The following AASS variants were observed in gnomAD, a reference collection of about 807,000 sequenced individuals.
The protein encoded by AASS is alpha-aminoadipic semialdehyde synthase, mitochondrial.
AASS carries 86 observed loss-of-function variants against 105.4 expected under a neutral mutation model. That is an observed-to-expected ratio of 0.82 (90% CI 0.69 to 0.98). The LOEUF (loss-of-function observed/expected upper bound fraction) is 0.98, where lower values mean the gene tolerates loss of function less well. AASS is among the 50% of genes least tolerant of loss of function. The pLI, the probability that AASS is intolerant of heterozygous loss-of-function variation, is 0.00. For missense variants in AASS, 1,048 were observed against 1,143.2 expected (o/e 0.92, Z 1.20); for synonymous variants, 381 against 394.8 (o/e 0.96, Z 0.41).
chr7:122,091,745 C>T lies in AASS; in HGVS notation c.1974G>A (p.Leu658=), dbSNP rs1352644333. 6.2e-7 allele frequency: 1 copy of T among 1,612,112 alleles called. No individual in the cohort carries two copies. Among genetic ancestry groups the T allele is most frequent in the Admixed American group, 1.7e-5 (1 of 59,874 alleles). Residue 658 remains leucine, a synonymous_variant, in exon 18 of 24, where the codon TTG becomes TTA. Coordinates refer to ENST00000417368, the MANE Select transcript of AASS (RefSeq NM_005763.4). ...YKFSWSPVGV[L]MNVMQSATYL... Reference sequence around the variant, plus strand: ...AGGTGGCAGACTGCATTACATTCATCAAAACTCCCACTGGACTCCAGCTAA... The same window carrying T: ...AGGTGGCAGACTGCATTACATTCATTAAAACTCCCACTGGACTCCAGCTAA...
At chr7:122,089,359 A>G (rs1793787893) in intron 18 of AASS, among the ~76,000 whole-genome samples, 1 of 152,162 alleles carries the variant, frequency 6.6e-6, no homozygotes, top group Non-Finnish European at 1.5e-5. Flanking sequence ...CTTCATCCAC[A>G]AGAGGAAACG....
chr7:122,126,028 G>A (rs540056640), intron 4 of AASS, among the ~76,000 whole-genome samples: 1 of 152,086 alleles, frequency 6.6e-6, no homozygotes, highest in African/African-American at 2.4e-5. Context: ...CCTGCCCCTG[G>A]ACCTTTTTTC....
chr7:122,078,341 C>T (rs915411264), intron 22 of AASS, among the ~76,000 whole-genome samples: 7 of 151,518 alleles, frequency 4.6e-5, no homozygotes, highest in South Asian at 4.2e-4. Flanking sequence ...ATGTCGGGCG[C>T]GGTGGCTCAT....
At chr7:122,118,527 G>A (rs199501674) in intron 5 of AASS, 36 bp downstream of exon 5, 3 of 1,613,968 alleles carry the variant, frequency 1.9e-6, no homozygotes, top group East Asian at 2.2e-5. Flanking sequence ...TGTGAGATGT[G>A]TTTTCAAAAA....
intron 1 of AASS, among the ~76,000 whole-genome samples, chr7:122,142,439 T>C (rs1456487281): frequency 6.6e-6 from 1 of 152,054 alleles, no homozygotes; most frequent in East Asian, 1.9e-4. Flanking sequence ...TTACATTATT[T>C]TGGAAAAAAA....
chr7:122,092,019 T>C (rs1039458362), intron 17 of AASS, among the ~76,000 whole-genome samples, 176 bp from the exon 18 acceptor site: 2 of 152,074 alleles, frequency 1.3e-5, no homozygotes. Context: ...TAAATAACAG[T>C]TAATTTTATA....
chr7:122,126,559 G>C, intron 3 of AASS, 100 bp from the exon 4 acceptor site: 1 of 984,102 alleles, frequency 1.0e-6, no homozygotes, highest in Non-Finnish European at 1.6e-6. Context: ...TTTTTCCTCT[G>C]AAATACACCT....
At chr7:122,077,060 G>C (rs1238952951) in intron 23 of AASS, among the ~76,000 whole-genome samples, 3 of 152,156 alleles carry the variant, frequency 2.0e-5, no homozygotes, top group Non-Finnish European at 4.4e-5. Context: ...ACTCTCACTA[G>C]AGGCCACAAT....
At chr7:122,131,485 T>C (rs1318534834) in intron 2 of AASS, among the ~76,000 whole-genome samples, 2 of 151,994 alleles carry the variant, frequency 1.3e-5, no homozygotes, top group African/African-American at 4.8e-5. Flanking sequence ...AGATTTTTAC[T>C]GTTGGAGAAA....
chr7:122,113,170 A>T lies in AASS; in HGVS notation c.1226T>A (p.Ile409Asn), dbSNP rs558549852. ...GTCTCCAAAGCATTCTGTAGCTTCA[A>T]TTGGGAGCTGTGCCGGCAAATTGTC... ...SIDNLPAQLP[I>N]EATECFGDML... is the part of the protein sequence containing the mutation. Residue 409 changes from isoleucine (I) to asparagine (N), a missense_variant, in exon 11 of 24, where the codon ATT becomes AAT. Ile to Asn is a moderately radical substitution (Grantham distance 149). Coordinates refer to ENST00000417368, the MANE Select transcript of AASS (RefSeq NM_005763.4). 1.2e-6 allele frequency: 2 copies of T among 1,613,952 alleles called. No homozygotes were observed. Among genetic ancestry groups the T allele is most frequent in the Non-Finnish European group, 1.7e-6 (2 of 1,179,982 alleles).
intron 2 of AASS, among the ~76,000 whole-genome samples, chr7:122,130,009 C>T (rs192911487): frequency 4.6e-5 from 7 of 151,970 alleles, no homozygotes; most frequent in African/African-American, 1.7e-4. Flanking sequence ...AGATGAGATG[C>T]TAAGATACAA....
intron 11 of AASS, among the ~76,000 whole-genome samples, chr7:122,103,755 T>C (rs1794537164): frequency 1.3e-5 from 2 of 151,846 alleles, no homozygotes; most frequent in Admixed American, 6.6e-5. Context: ...AAAAGAAATA[T>C]GAATATATGT....
At chr7:122,085,959 C>T in intron 19 of AASS, 53 bp downstream of exon 19, 2 of 1,585,392 alleles carry the variant, frequency 1.3e-6, no homozygotes, top group East Asian at 2.2e-5. Flanking sequence ...TAAGTGTACA[C>T]ATCACTTACA....
At chr7:122,138,822 TAGAG>T (rs1309621005) in intron 1 of AASS, among the ~76,000 whole-genome samples, 8 of 151,322 alleles carry the variant, frequency 5.3e-5, no homozygotes, top group South Asian at 2.1e-4. Context: ...CAGAGACAGA[TAGAG>T]AGAGAGAGAA....
At chr7:122,086,558 AAAT>A (rs1156696723) in intron 18 of AASS, among the ~76,000 whole-genome samples, 19 of 151,388 alleles carry the variant, frequency 1.3e-4, no homozygotes, top group African/African-American at 4.1e-4. Context: ...TTTATTTTCT[AAAT>A]ATTTAAAAAT....
At chr7:122,139,238 C>T (rs1291124903) in intron 1 of AASS, among the ~76,000 whole-genome samples, 2 of 152,062 alleles carry the variant, frequency 1.3e-5, no homozygotes, top group Non-Finnish European at 1.5e-5. Flanking sequence ...TTTTGATTCT[C>T]TTTAATTAAA....
In AASS at chr7:122,098,731, T is replaced by G. The variant is rs1794287493; in HGVS notation, c.1528+14A>C. 6.2e-7 allele frequency: 1 copy of G among 1,605,572 alleles called. No individual in the cohort carries two copies. Among genetic ancestry groups the G allele is most frequent in the African/African-American group, 1.3e-5 (1 of 74,680 alleles). Reference sequence around the variant, plus strand: ...AAATACATTTTTCTTCTTCAAAAATTAGGGCTTATTTACCTACTGTTATTT... The same window carrying G: ...AAATACATTTTTCTTCTTCAAAAATGAGGGCTTATTTACCTACTGTTATTT... On this transcript the variant is annotated intron_variant, in intron 14 of 23. Coordinates refer to ENST00000417368, the MANE Select transcript of AASS (RefSeq NM_005763.4).
At position 122,118,236 on chromosome 7, in the gene AASS, G is replaced by C. The variant is rs279677; in HGVS notation, c.687+71C>G. 0.55 allele frequency: 858,790 copies of C among 1,556,918 alleles called. 241,822 individuals are homozygous for C. Among genetic ancestry groups the C allele is most frequent in the African/African-American group, 0.88 (65,402 of 74,038 alleles). On this transcript the variant is annotated intron_variant, in intron 6 of 23. Coordinates refer to ENST00000417368, the MANE Select transcript of AASS (RefSeq NM_005763.4). ...GTCCATTTGAAATACCCACAAAATGGCTGCCCACATCATTTGGGTTAGTTT... is the reference window on the plus strand; with the variant it reads ...GTCCATTTGAAATACCCACAAAATGCCTGCCCACATCATTTGGGTTAGTTT...
intron 2 of AASS, among the ~76,000 whole-genome samples, chr7:122,131,729 C>A (rs1269865985): frequency 1.3e-5 from 2 of 151,856 alleles, no homozygotes; most frequent in East Asian, 3.9e-4. Flanking sequence ...ACATCAGATA[C>A]CAGATCTTGG....
Sources: gnomAD v4.1 joint callset for allele counts (sites outside exome capture counted in the v4.1 genomes callset) on GRCh38, gnomAD v4.1.1 for gene constraint, MANE v1.5 for transcripts, NCBI Gene and HGNC (gene_info 2026-07-23, HGNC 2026-07-21) for gene names.